Variants in KDM7A observed in about 807,000 individuals in gnomAD.
The protein encoded by KDM7A is lysine demethylase 7A, also known as lysine-specific demethylase 7A.
Under a neutral mutation model 114.8 loss-of-function variants are expected in KDM7A, and 28 were observed. The ratio of observed to expected loss-of-function variants is 0.24; its 90% confidence interval spans 0.18 to 0.33. KDM7A has a LOEUF of 0.33. KDM7A is among the 10% of genes least tolerant of loss of function. KDM7A has a pLI of 1.00. For missense variants in KDM7A, 942 were observed against 1,142.5 expected, an observed-to-expected ratio of 0.82 and a Z score of 2.53; for synonymous variants, 423 against 397.8, an observed-to-expected ratio of 1.06 and a Z score of -0.75.
intron 14 of KDM7A, 37 bp downstream of exon 14, chr7:140,098,842 T>G (rs536970800): frequency 4.7e-5 from 73 of 1,538,618 alleles, no homozygotes; most frequent in South Asian, 2.5e-4. Flanking sequence ...ACATTAGTAA[T>G]CAAAAGATCT....
intron 13 of KDM7A, 56 bp from the exon 14 acceptor site, chr7:140,099,089 G>C: frequency 2.3e-6 from 3 of 1,286,830 alleles, no homozygotes; most frequent in Non-Finnish European, 3.3e-6. Context: ...TAGCCAAACA[G>C]TATTTATTCC....
chr7:140,121,441 T>C (rs1818616615), intron 7 of KDM7A, among the ~76,000 whole-genome samples: 1 of 152,220 alleles, frequency 6.6e-6, no homozygotes, highest in Non-Finnish European at 1.5e-5. Context: ...GGACTCACTT[T>C]CAAGTGTGCC....
Position 140,127,506 on chromosome 7 carries a change from A to G in KDM7A, c.637T>C (p.Tyr213His). 1 of 1,613,604 alleles carries G rather than the reference A, an allele frequency of 6.2e-7. No homozygotes were observed. Among genetic ancestry groups the G allele is most frequent in the Non-Finnish European group, 8.5e-7 (1 of 1,179,520 alleles). ...SKMTLHNYVK[Y>H]FMNPNRPKVL... Reference sequence around the variant, plus strand: ...TTTGGTCTGTTAGGATTCATGAAGTATTTAACATAATTGTGAAGTGTCATT... The same window carrying G: ...TTTGGTCTGTTAGGATTCATGAAGTGTTTAACATAATTGTGAAGTGTCATT... The change falls in exon 5 of 20, where the codon TAC becomes CAC. Residue 213 changes from tyrosine (Y) to histidine (H), a missense_variant. This residue lies in a region of KDM7A where 318 missense variants were observed against 453.1 expected (regional missense o/e 0.70). Transcript: ENST00000397560.
intron 1 of KDM7A, among the ~76,000 whole-genome samples, chr7:140,160,089 A>G (rs1794501958): frequency 1.3e-5 from 2 of 152,220 alleles, no homozygotes; most frequent in South Asian, 4.1e-4. Flanking sequence ...ACACCTATTA[A>G]AATGTAGCGT....
intron 9 of KDM7A, among the ~76,000 whole-genome samples, chr7:140,114,951 T>G (rs1260155090): frequency 9.5e-6 from 1 of 104,826 alleles, no homozygotes; most frequent in Non-Finnish European, 2.0e-5. Flanking sequence ...CCCCTTCTGA[T>G]AACTGAGGAG....
At chr7:140,105,196 G>C (rs528545385) in intron 11 of KDM7A, among the ~76,000 whole-genome samples, 15 of 152,270 alleles carry the variant, frequency 9.9e-5, no homozygotes, top group Admixed American at 6.5e-4. Context: ...GGGCTGAGAT[G>C]AGGGGGTTTT....
intron 13 of KDM7A, 139 bp from the exon 14 acceptor site, chr7:140,099,172 T>G (rs1244205256): frequency 4.3e-6 from 3 of 704,616 alleles, no homozygotes; most frequent in African/African-American, 3.6e-5. Flanking sequence ...TGCAATAGTA[T>G]GCGCTAGGGA....
chr7:140,117,183 T>C (rs1008762795), intron 9 of KDM7A, among the ~76,000 whole-genome samples: 3 of 152,186 alleles, frequency 2.0e-5, no homozygotes, highest in Non-Finnish European at 2.9e-5. Context: ...AAATGAAACA[T>C]CTTAAAACAA....
At chr7:140,157,549 G>C (rs1794470862) in intron 1 of KDM7A, among the ~76,000 whole-genome samples, 2 of 152,168 alleles carry the variant, frequency 1.3e-5, no homozygotes, top group Admixed American at 6.5e-5. Context: ...AGCTACTTGG[G>C]AGGCTGAAGT....
intron 1 of KDM7A, among the ~76,000 whole-genome samples, chr7:140,165,393 CCA>C (rs1794562993): frequency 6.6e-6 from 1 of 152,132 alleles, no homozygotes; most frequent in Non-Finnish European, 1.5e-5. Context: ...GGCTATTTTC[CCA>C]CCAGGTTGTT....
chr7:140,148,460 G>C (rs1280487263), intron 1 of KDM7A, among the ~76,000 whole-genome samples: 1 of 152,002 alleles, frequency 6.6e-6, no homozygotes, highest in Non-Finnish European at 1.5e-5. Context: ...CCCCTCAAAG[G>C]ATTTTTAAGA....
At chr7:140,139,025 A>T in intron 2 of KDM7A, 80 bp downstream of exon 2, 1 of 864,094 alleles carries the variant, frequency 1.2e-6, no homozygotes, top group Non-Finnish European at 1.9e-6. Context: ...GAGTATCATT[A>T]AAGTATTACC....
Position 140,085,560 on chromosome 7 carries a change from A to T in KDM7A, c.*5534T>A, listed in dbSNP as rs778636985. 26 of 152,346 alleles carry T rather than the reference A, an allele frequency of 1.7e-4. No homozygotes were observed. Among genetic ancestry groups the T allele is most frequent in the Admixed American group, 3.3e-4 (5 of 15,304 alleles). The allele number at this position is 152,346 out of a possible 1,614,324, so 9.4% of individuals were successfully genotyped here. A position where few individuals can be genotyped will look rare whatever the true frequency, so the allele number is the denominator to read the frequency against. On this transcript the variant is annotated 3_prime_UTR_variant, in exon 20 of 20. Transcript: ENST00000397560. Reference sequence around the variant, plus strand: ...AAAGTAGAAAAGTCTTTTCTGAAGGAAATACCATCTGCGAAGATGCATTTC... The same window carrying T: ...AAAGTAGAAAAGTCTTTTCTGAAGGTAATACCATCTGCGAAGATGCATTTC...
chr7:140,096,535 T>C lies in KDM7A; in HGVS notation c.2374+20A>G, dbSNP rs35701071. 29,114 of 1,586,360 alleles carry C rather than the reference T, an allele frequency of 0.018. 338 individuals are homozygous for C. Among genetic ancestry groups the C allele is most frequent in the Non-Finnish European group, 0.021 (23,800 of 1,154,784 alleles). On this transcript the variant is annotated intron_variant, in intron 17 of 19. Transcript: ENST00000397560. ...GCAACATATGTTACTTTTTAGAGACTGATAATTTATGTTTCTTACCACATT... is the reference window on the plus strand; with the variant it reads ...GCAACATATGTTACTTTTTAGAGACCGATAATTTATGTTTCTTACCACATT...
intron 3 of KDM7A, among the ~76,000 whole-genome samples, chr7:140,130,876 CAG>C (rs1311110884): frequency 2.0e-5 from 2 of 99,406 alleles, no homozygotes; most frequent in Non-Finnish European, 3.7e-5. Context: ...TTTTTTGAGA[CAG>C]AGTCTTGCTC....
intron 7 of KDM7A, among the ~76,000 whole-genome samples, chr7:140,120,900 C>T (rs921892737): frequency 1.3e-5 from 2 of 152,190 alleles, no homozygotes; most frequent in African/African-American, 2.4e-5. Flanking sequence ...AGCCACTGTG[C>T]CCAGCCTGTT....
intron 1 of KDM7A, among the ~76,000 whole-genome samples, chr7:140,143,734 A>G (rs1346330026): frequency 1.3e-5 from 2 of 152,206 alleles, no homozygotes; most frequent in Non-Finnish European, 1.5e-5. Flanking sequence ...GCTTGCTGCA[A>G]TCCCAAAAGG....
intron 9 of KDM7A, 65 bp downstream of exon 9, chr7:140,119,048 G>A (rs1373055936): frequency 2.3e-6 from 2 of 876,186 alleles, no homozygotes; most frequent in Non-Finnish European, 3.7e-6. Flanking sequence ...TCTGTCAGGT[G>A]GCTATGAGTG....
chr7:140,106,481 G>C (rs1818339432), intron 11 of KDM7A, among the ~76,000 whole-genome samples: 1 of 152,158 alleles, frequency 6.6e-6, no homozygotes, highest in African/African-American at 2.4e-5. Flanking sequence ...ATTCTGGTAT[G>C]CTGTGTCTTT....
Sources: allele counts gnomAD v4.1 joint callset (sites outside exome capture counted in the v4.1 genomes callset), GRCh38; gene constraint gnomAD v4.1.1; regional missense constraint gnomAD v4.1.1; transcripts MANE v1.5; gene names NCBI Gene and HGNC (gene_info 2026-07-23, HGNC 2026-07-21).